The following TENM1 variants were observed in gnomAD, a reference collection of about 807,000 sequenced individuals.
TENM1 encodes teneurin transmembrane protein 1, also known as teneurin-1.
Under a neutral mutation model 174.8 loss-of-function variants are expected in TENM1, and 35 were observed. That is an observed-to-expected ratio of 0.20 (90% CI 0.15 to 0.27). The LOEUF is 0.27. Ranked by LOEUF, TENM1 falls within the 10% of genes least tolerant of loss-of-function variation. The probability of loss-of-function intolerance (pLI) is 1.00; values close to 1 mark genes in which losing one functional copy is unlikely to be tolerated. For missense variants in TENM1, 1,633 were observed against 2,130.1 expected (o/e 0.77, Z 4.59); for synonymous variants, 781 against 798.7 (o/e 0.98, Z 0.37).
chrX:124,412,596 G>A (rs189296521), intron 25 of TENM1, among the ~76,000 whole-genome samples: 1 of 112,492 alleles, frequency 8.9e-6, no homozygotes, highest in Non-Finnish European at 1.9e-5. Context: ...TCAGAAAGCT[G>A]ACCAACCTAA....
the TENM1 span, among the ~76,000 whole-genome samples, chrX:125,090,912 G>A: frequency 1.8e-5 from 2 of 111,528 alleles, no homozygotes; most frequent in Admixed American, 9.5e-5. Context: ...GGGGAATGGG[G>A]GAAAATTACA....
the TENM1 span, among the ~76,000 whole-genome samples, chrX:124,992,962 C>T: frequency 1.8e-5 from 2 of 110,914 alleles, no homozygotes; most frequent in African/African-American, 6.5e-5. Context: ...AACGAGAAAG[C>T]TCTCCCTTGG....
chrX:124,920,403 A>G (rs991501618), intron 1 of TENM1, among the ~76,000 whole-genome samples: 3 of 111,520 alleles, frequency 2.7e-5, no homozygotes, highest in African/African-American at 9.8e-5. Context: ...TGAGGCTACT[A>G]TAATTTATTT....
chrX:124,964,688 GTCC>G, upstream of TENM1, among the ~76,000 whole-genome samples: 1 of 111,664 alleles, frequency 9.0e-6, no homozygotes, highest in African/African-American at 3.2e-5. Flanking sequence ...AGATGTCAAA[GTCC>G]TCTGTAAATT....
the TENM1 span, among the ~76,000 whole-genome samples, chrX:125,159,189 AAG>A: frequency 8.9e-6 from 1 of 111,885 alleles, no homozygotes; most frequent in Non-Finnish European, 1.9e-5. Context: ...CACAAGAAAA[AAG>A]CTGTAGACTC....
chrX:125,139,244 A>G, the TENM1 span, among the ~76,000 whole-genome samples: 1 of 111,598 alleles, frequency 9.0e-6, no homozygotes, highest in Non-Finnish European at 1.9e-5. Flanking sequence ...AACAAAACAG[A>G]ATATGAAGTG....
chrX:124,754,678 G>T (rs1158809613), intron 3 of TENM1, among the ~76,000 whole-genome samples: 1 of 109,163 alleles, frequency 9.2e-6, no homozygotes, highest in Non-Finnish European at 1.9e-5. Flanking sequence ...AGAGATTCTG[G>T]TATGTTGTGT....
chrX:125,188,567 C>A, the TENM1 span, among the ~76,000 whole-genome samples: 1 of 111,264 alleles, frequency 9.0e-6, no homozygotes, highest in Non-Finnish European at 1.9e-5. Context: ...TAAGAGTAAA[C>A]AATTTAAAAT....
chrX:124,757,439 C>A (rs1463869983), intron 3 of TENM1, among the ~76,000 whole-genome samples: 1 of 112,685 alleles, frequency 8.9e-6, no homozygotes, highest in Admixed American at 9.3e-5. Flanking sequence ...TGACCCCTTG[C>A]GCTTCCCGAG....
At chrX:124,992,877 T>A in the TENM1 span, among the ~76,000 whole-genome samples, 1 of 111,896 alleles carries the variant, frequency 8.9e-6, no homozygotes, top group East Asian at 2.8e-4. Context: ...TATATACATA[T>A]TAAATACATT....
At chrX:124,565,403 A>G (rs2048918285) in exon 12 of TENM1, 1 of 1,200,633 alleles carries the variant, frequency 8.3e-7, no homozygotes, top group African/African-American at 1.8e-5. Flanking sequence ...CCTCCCATCC[A>G]GGGCTACACT....
chrX:124,936,164 T>A (rs1235327730), intron 1 of TENM1, among the ~76,000 whole-genome samples: 1 of 111,977 alleles, frequency 8.9e-6, no homozygotes, highest in African/African-American at 3.2e-5. Context: ...TGGCATAGTT[T>A]TCAAAGCCCT....
Position 124,633,654 on chromosome X carries a change from A to C in TENM1, c.2077+8137T>G, listed in dbSNP as rs184752136. Among the ~76,000 whole-genome samples, 398 of 110,979 alleles carry C rather than the reference A, an allele frequency of 3.6e-3. 3 individuals carry two copies. The highest frequency in any genetic ancestry group is 0.021 in the South Asian group (55 of 2,662). On this transcript the variant is annotated intron_variant, in intron 11 of 31. Coordinates refer to ENST00000422452, the Ensembl canonical transcript of TENM1. ...TGGCCATTAAATGAACTTTTGTATA[A>C]AGATAAAGAATTTTTGGATCTGAGA... is the stretch of plus-strand genomic sequence containing the variant.
At chrX:124,989,732 AG>A in the TENM1 span, among the ~76,000 whole-genome samples, 19 of 110,756 alleles carry the variant, frequency 1.7e-4, no homozygotes, top group Admixed American at 1.8e-3. Flanking sequence ...AAAAAAAAAA[AG>A]TATCTGAAAC....
intron 5 of TENM1, among the ~76,000 whole-genome samples, chrX:124,678,101 T>A (rs936525756): frequency 9.0e-6 from 1 of 111,379 alleles, no homozygotes; most frequent in African/African-American, 3.3e-5. Flanking sequence ...CAATTCCACC[T>A]CCAATGACTT....
At position 124,422,439 on chromosome X, in the gene TENM1, G is replaced by A. The variant is rs1473646016; in HGVS notation, c.4304C>T (p.Ala1435Val). Residue 1435 changes from alanine to valine, a missense_variant, in exon 24 of 32, where the codon GCG becomes GTG. By Grantham distance (64) the Ala-to-Val change is moderately conservative. Around this residue, in one of 4 missense-constraint regions of TENM1, gnomAD observed 807 missense variants for 1,125.3 expected, o/e 0.72. Transcript: ENST00000422452. ...GCTGTGGGAGACACTGATGGCCCTC[G>A]CTGACTCTAGAGTGGAGTGAATTGC... The A allele has an allele frequency of 1.7e-6, 2 of 1,208,911 alleles. No homozygotes were observed. Among genetic ancestry groups the A allele is most frequent in the African/African-American group, 1.8e-5 (1 of 56,915 alleles).
chrX:125,095,320 A>T, the TENM1 span, among the ~76,000 whole-genome samples: 1 of 112,090 alleles, frequency 8.9e-6, no homozygotes, highest in Admixed American at 9.5e-5. Context: ...TTTAGTGTTA[A>T]TAAGTAGTTG....
chrX:125,082,162 A>G, the TENM1 span, among the ~76,000 whole-genome samples: 11 of 111,090 alleles, frequency 9.9e-5, no homozygotes, highest in Non-Finnish European at 9.5e-5. Context: ...ATATAAATAA[A>G]AAATAAATAA....
intron 3 of TENM1, among the ~76,000 whole-genome samples, chrX:124,762,841 T>C (rs1227714513): frequency 9.0e-6 from 1 of 111,487 alleles, no homozygotes; most frequent in Non-Finnish European, 1.9e-5. Context: ...TGAGTATGCC[T>C]TTACTCCAGG....
Sources: allele counts gnomAD v4.1 joint callset (sites outside exome capture counted in the v4.1 genomes callset), GRCh38; gene constraint gnomAD v4.1.1; regional missense constraint gnomAD v4.1.1; transcripts MANE v1.5; gene names NCBI Gene and HGNC (gene_info 2026-07-23, HGNC 2026-07-21).